BNC2: variants seen among roughly 807,000 people sequenced by gnomAD.
BNC2 encodes basonuclin zinc finger protein 2, also known as zinc finger protein basonuclin-2.
A neutral mutation model predicts 76.3 loss-of-function variants in BNC2; 20 were observed. The observed-to-expected ratio is 0.26, with a 90% CI of 0.18 to 0.38. The LOEUF is 0.38. Among genes scored for constraint, BNC2 ranks in the 10% least tolerant of loss-of-function variants. The pLI, the probability that BNC2 is intolerant of heterozygous loss-of-function variation, is 1.00. For missense variants in BNC2, 1,382 were observed against 1,399.8 expected (o/e 0.99, Z 0.20); for synonymous variants, 582 against 514.8 (o/e 1.13, Z -1.77).
chr9:16,682,933 C>A (rs1032487276), intron 3 of BNC2, among the ~76,000 whole-genome samples: 3 of 152,178 alleles, frequency 2.0e-5, no homozygotes, highest in Admixed American at 6.5e-5. Context: ...ATAACCATTT[C>A]TTAGAAGATG....
intron 3 of BNC2, among the ~76,000 whole-genome samples, chr9:16,633,746 T>A (rs983028899): frequency 6.6e-6 from 1 of 152,168 alleles, no homozygotes; most frequent in Non-Finnish European, 1.5e-5. Flanking sequence ...AATAGCGGTT[T>A]GCAAACTAAG....
At chr9:16,840,485 G>T (rs555927265) in intron 1 of BNC2, among the ~76,000 whole-genome samples, 1 of 152,252 alleles carries the variant, frequency 6.6e-6, no homozygotes, top group East Asian at 1.9e-4. Context: ...CTTCTGCTCA[G>T]AAGTATTTAT....
intron 6 of BNC2, among the ~76,000 whole-genome samples, chr9:16,427,452 T>C (rs751205527): frequency 1.3e-4 from 20 of 152,252 alleles, no homozygotes; most frequent in Non-Finnish European, 2.2e-4. Flanking sequence ...TACCTCTTTA[T>C]TGAAGGCAAT....
intron 5 of BNC2, among the ~76,000 whole-genome samples, chr9:16,476,465 T>G (rs1206724389): frequency 6.6e-6 from 1 of 151,762 alleles, no homozygotes; most frequent in Non-Finnish European, 1.5e-5. Flanking sequence ...TAATTGCAAC[T>G]CATCCTTCAG....
chr9:16,513,603 C>A (rs547746710), intron 5 of BNC2, among the ~76,000 whole-genome samples: 1 of 151,974 alleles, frequency 6.6e-6, no homozygotes, highest in African/African-American at 2.4e-5. Flanking sequence ...CGCGCCAGGC[C>A]GAAAAGGTTC....
chr9:16,768,047 C>A (rs1461364307), intron 1 of BNC2, among the ~76,000 whole-genome samples: 1 of 151,372 alleles, frequency 6.6e-6, no homozygotes, highest in African/African-American at 2.4e-5. Flanking sequence ...CTCACTGCAA[C>A]CTCCACCTCC....
intron 5 of BNC2, among the ~76,000 whole-genome samples, chr9:16,501,041 T>C (rs1050365232): frequency 5.9e-5 from 9 of 152,202 alleles, no homozygotes; most frequent in Non-Finnish European, 7.3e-5. Context: ...TATAACTATA[T>C]GATATTGAAC....
At chr9:16,840,993 G>C (rs968359576) in intron 1 of BNC2, among the ~76,000 whole-genome samples, 1 of 152,058 alleles carries the variant, frequency 6.6e-6, no homozygotes. Context: ...TCTCAGCTAG[G>C]GTAATTAGTA....
At chr9:16,713,445 C>CTTTTTTTTTTTTTTTTTTTTTTTT (rs34090221) in intron 3 of BNC2, among the ~76,000 whole-genome samples, 1 of 128,216 alleles carries the variant, frequency 7.8e-6, no homozygotes, top group African/African-American at 3.0e-5. Flanking sequence ...GGAAAAGGCA[C>CTTTTTTTTTTTTTTTTTTTTTTTT]TTTTTTTTTT....
intron 5 of BNC2, among the ~76,000 whole-genome samples, chr9:16,487,968 G>A (rs1226836741): frequency 6.6e-6 from 1 of 152,136 alleles, no homozygotes; most frequent in African/African-American, 2.4e-5. Context: ...CTCAATCCCG[G>A]AAAATATTCA....
At chr9:16,655,673 T>A (rs2133990749) in intron 3 of BNC2, among the ~76,000 whole-genome samples, 1 of 152,338 alleles carries the variant, frequency 6.6e-6, no homozygotes, top group African/African-American at 2.4e-5. Context: ...TTATACAACT[T>A]CCCTCACGTG....
chr9:16,433,082 C>T (rs1387052824), intron 6 of BNC2, among the ~76,000 whole-genome samples: 1 of 152,112 alleles, frequency 6.6e-6, no homozygotes, highest in Non-Finnish European at 1.5e-5. Flanking sequence ...GAGGCAGGCA[C>T]CCCAATGGCA....
At chr9:16,592,600 T>C (rs1420818984) in intron 3 of BNC2, among the ~76,000 whole-genome samples, 1 of 152,190 alleles carries the variant, frequency 6.6e-6, no homozygotes, top group Non-Finnish European at 1.5e-5. Context: ...CAGTGATAAC[T>C]GAACCTAACC....
chr9:16,490,114 G>C (rs892222391), intron 5 of BNC2, among the ~76,000 whole-genome samples: 1 of 152,136 alleles, frequency 6.6e-6, no homozygotes, highest in Non-Finnish European at 1.5e-5. Flanking sequence ...CCCATTGTTA[G>C]AGTGAAAGCT....
At chr9:16,558,736 C>A (rs1184759375) in intron 4 of BNC2, among the ~76,000 whole-genome samples, 1 of 152,030 alleles carries the variant, frequency 6.6e-6, no homozygotes, top group Non-Finnish European at 1.5e-5. Context: ...CGAGACCAAC[C>A]TGGCCAACAT....
intron 2 of BNC2, among the ~76,000 whole-genome samples, chr9:16,736,433 AAC>A (rs1467763235): frequency 3.4e-5 from 1 of 29,412 alleles, no homozygotes; most frequent in Non-Finnish European, 8.0e-5. Context: ...TTTTTATAGA[AAC>A]AGAGACTATT....
intron 3 of BNC2, among the ~76,000 whole-genome samples, chr9:16,587,438 T>C (rs1587204058): frequency 1.3e-5 from 2 of 152,176 alleles, no homozygotes; most frequent in East Asian, 3.9e-4. Flanking sequence ...TTCACTGATA[T>C]TCTGCCTTTC....
intron 1 of BNC2, among the ~76,000 whole-genome samples, chr9:16,798,842 C>T (rs1196757971): frequency 2.0e-5 from 3 of 152,080 alleles, no homozygotes; most frequent in South Asian, 2.1e-4. Context: ...TAAACAATCA[C>T]GCACAAGTAA....
intron 5 of BNC2, among the ~76,000 whole-genome samples, chr9:16,508,821 C>CT (rs386414529): frequency 0.15 from 21,277 of 143,332 alleles, 3,984 homozygotes; most frequent in African/African-American, 0.44. Flanking sequence ...TTTTGCACAT[C>CT]TTTTTTTTTT....
Sources: gnomAD v4.1 joint callset for allele counts (sites outside exome capture counted in the v4.1 genomes callset) on GRCh38, gnomAD v4.1.1 for gene constraint, MANE v1.5 for transcripts, NCBI Gene and HGNC (gene_info 2026-07-23, HGNC 2026-07-21) for gene names.